Variants in ZHX3 observed in about 807,000 individuals in gnomAD.
ZHX3 encodes zinc fingers and homeoboxes 3.
Under a neutral mutation model 64.5 loss-of-function variants are expected in ZHX3, and 20 were observed. The ratio of observed to expected loss-of-function variants is 0.31; its 90% CI spans 0.22 to 0.45. The LOEUF (loss-of-function observed/expected upper bound fraction) is 0.45, where lower values mean the gene tolerates loss of function less well. Ranked by LOEUF, ZHX3 falls within the 20% of genes least tolerant of loss-of-function variation. ZHX3 has a pLI of 1.00. For synonymous variants in ZHX3, 423 were observed against 461.6 expected (o/e 0.92, Z 1.07); for missense variants, 1,041 against 1,195.8 (o/e 0.87, Z 1.91).
chr20:41,243,008 G>A (rs2041480608), intron 2 of ZHX3, among the ~76,000 whole-genome samples: 1 of 152,176 alleles, frequency 6.6e-6, no homozygotes. Context: ...AGTGGATGTG[G>A]TGTCCCTCTC....
At chr20:41,225,844 GA>G (rs1188319123) in intron 2 of ZHX3, among the ~76,000 whole-genome samples, 1 of 152,124 alleles carries the variant, frequency 6.6e-6, no homozygotes, top group Non-Finnish European at 1.5e-5. Context: ...TCACATTGTT[GA>G]CCAACAGATG....
chr20:41,268,403 A>T (rs2042967305), intron 2 of ZHX3, among the ~76,000 whole-genome samples: 1 of 152,226 alleles, frequency 6.6e-6, no homozygotes, highest in Non-Finnish European at 1.5e-5. Flanking sequence ...TAAGTTTAGC[A>T]TTAAAAAAAG....
In ZHX3 at chr20:41,201,798, C is replaced by T. The variant is rs1349689896; in HGVS notation, c.2860+259G>A. Among the ~76,000 whole-genome samples the T allele has an allele frequency of 3.3e-5, 5 of 152,156 alleles. No individual in the cohort carries two copies. In the East Asian group the frequency reaches 9.6e-4, roughly 29 times the overall value. ...AGAAATGGCTAGAAAAGCTTGGACC[C>T]CTTTAGGGTCACCATGTTCCTTCCC... On this transcript the variant is annotated intron_variant, in intron 3 of 3. Coordinates refer to ENST00000683867, the MANE Select transcript of ZHX3 (RefSeq NM_001384317.1). This position sits in a 1 kb window ranked among gnomAD's most constrained non-coding sequence, Gnocchi z 5.0.
chr20:41,266,378 C>T lies in ZHX3; in HGVS notation c.-151+2612G>A, dbSNP rs144796775. Among the ~76,000 whole-genome samples the T allele has an allele frequency of 4.6e-4, 70 of 152,170 alleles. No homozygotes were observed. In the East Asian group the frequency reaches 6.4e-3, roughly 14 times the overall value. On this transcript the variant is annotated intron_variant, in intron 2 of 3. Coordinates refer to ENST00000683867, the MANE Select transcript of ZHX3 (RefSeq NM_001384317.1). ...CGCCTTTGACCTTCCCATTAACCTT[C>T]CCCCACTGCAACCTCCAGTCATATG...
chr20:41,244,862 T>C (rs1254903284), intron 2 of ZHX3, among the ~76,000 whole-genome samples: 1 of 152,144 alleles, frequency 6.6e-6, no homozygotes, highest in African/African-American at 2.4e-5. Flanking sequence ...CCATCTCCTA[T>C]TCCCTCACCT....
chr20:41,236,955 T>C (rs946554757), intron 2 of ZHX3, among the ~76,000 whole-genome samples: 55 of 152,246 alleles, frequency 3.6e-4, no homozygotes, highest in Non-Finnish European at 6.5e-4. Context: ...GGGCAAAGGA[T>C]ATGAACAGAC....
chr20:41,317,243 G>GC (rs2045313824), intron 1 of ZHX3: 1 of 152,534 alleles, frequency 6.6e-6, no homozygotes, highest in African/African-American at 2.4e-5. Flanking sequence ...CGCTCCTGGA[G>GC]CCCGGGGGGT....
chr20:41,222,019 G>A (rs1401655080), intron 2 of ZHX3, among the ~76,000 whole-genome samples: 1 of 152,230 alleles, frequency 6.6e-6, no homozygotes, highest in Non-Finnish European at 1.5e-5. Context: ...TTGAGCAGAA[G>A]GTTGGCGTCA....
At chr20:41,281,123 T>C (rs1424015014) in intron 1 of ZHX3, among the ~76,000 whole-genome samples, 5 of 151,980 alleles carry the variant, frequency 3.3e-5, no homozygotes, top group Middle Eastern at 3.2e-3. Context: ...AAAAGGAAAA[T>C]TGTATTTGCA....
intron 1 of ZHX3, among the ~76,000 whole-genome samples, chr20:41,280,681 C>T (rs750177260): frequency 6.6e-6 from 1 of 151,918 alleles, no homozygotes; most frequent in African/African-American, 2.4e-5. Flanking sequence ...CCTCCCAAAG[C>T]GCTGGGATTA....
chr20:41,306,718 T>G (rs370475238), intron 1 of ZHX3, among the ~76,000 whole-genome samples: 2 of 152,374 alleles, frequency 1.3e-5, no homozygotes, highest in South Asian at 2.1e-4. Flanking sequence ...AATGGTATTG[T>G]CATTATCAGG....
rs1272367697 is a variant in ZHX3 at position 41,184,155 on chromosome 20, C to T, written c.*1036G>A. 6.6e-6 allele frequency: 1 copy of T among 152,174 alleles called. No individual in the cohort carries two copies. Among genetic ancestry groups the T allele is most frequent in the Non-Finnish European group, 1.5e-5 (1 of 68,054 alleles). 9.4% of individuals were successfully genotyped at this position (152,174 alleles called of 1,614,324 possible). A position where few individuals can be genotyped will look rare whatever the true frequency, so the allele number is the denominator to read the frequency against. On this transcript the variant is annotated 3_prime_UTR_variant, in exon 4 of 4. Transcript: ENST00000683867. ...GTCAACAAATCCCTCCAGCCTTCAC[C>T]CTTACTAATGGGCCAGTGTGTTATT...
At chr20:41,249,400 G>A (rs1312618992) in intron 2 of ZHX3, among the ~76,000 whole-genome samples, 2 of 152,158 alleles carry the variant, frequency 1.3e-5, no homozygotes, top group African/African-American at 4.8e-5. Context: ...TTTTAATCAT[G>A]CTAAAAGTAT....
rs536047653 is a variant in ZHX3 at position 41,312,826 on chromosome 20, T to C, written c.-245+4683A>G. On this transcript the variant is annotated intron_variant, in intron 1 of 3. Coordinates refer to ENST00000683867, the MANE Select transcript of ZHX3 (RefSeq NM_001384317.1). ...TGGAGAGGGAGCACGTCAGAGTAAG[T>C]GTGGATGCGAGTCCAAGTGCAGTGG... 1.3e-4 allele frequency among the ~76,000 whole-genome samples: 20 copies of C among 152,038 alleles called. 1 individual carries two copies. In the East Asian group the frequency reaches 3.9e-3, roughly 29 times the overall value.
intron 2 of ZHX3, among the ~76,000 whole-genome samples, chr20:41,215,640 A>G (rs917018795): frequency 3.9e-5 from 6 of 152,072 alleles, no homozygotes; most frequent in African/African-American, 1.4e-4. Flanking sequence ...ATTTATCATT[A>G]AAAACGGAAA....
At chr20:41,237,194 A>C (rs1267509595) in intron 2 of ZHX3, among the ~76,000 whole-genome samples, 5 of 152,340 alleles carry the variant, frequency 3.3e-5, no homozygotes, top group Admixed American at 2.0e-4. Context: ...CCATTGTGGA[A>C]GTCAGTGTGG....
At chr20:41,250,776 A>G (rs1034806785) in intron 2 of ZHX3, among the ~76,000 whole-genome samples, 10 of 152,220 alleles carry the variant, frequency 6.6e-5, no homozygotes, top group African/African-American at 1.9e-4. Context: ...AAGACAAAGA[A>G]TAACTCTTGA....
At chr20:41,306,587 C>A (rs956092039) in intron 1 of ZHX3, among the ~76,000 whole-genome samples, 4 of 152,214 alleles carry the variant, frequency 2.6e-5, no homozygotes, top group Non-Finnish European at 5.9e-5. Context: ...GTATCTGACA[C>A]ATAGTAGTCA....
At chr20:41,261,564 T>C (rs530518390) in intron 2 of ZHX3, among the ~76,000 whole-genome samples, 3 of 152,298 alleles carry the variant, frequency 2.0e-5, no homozygotes, top group Middle Eastern at 3.4e-3. Flanking sequence ...TCTACTTCTT[T>C]CTCTAGCATG....
Sources: gnomAD v4.1 joint callset for allele counts (sites outside exome capture counted in the v4.1 genomes callset) on GRCh38, gnomAD v4.1.1 for gene constraint, Gnocchi (gnomAD v3.1) non-coding constraint, MANE v1.5 for transcripts, NCBI Gene and HGNC (gene_info 2026-07-23, HGNC 2026-07-21) for gene names.